RBAK: variants seen among roughly 807,000 people sequenced by gnomAD.
The protein encoded by RBAK is RB associated KRAB zinc finger, also known as RB-associated KRAB zinc finger protein.
Under a neutral mutation model 65.8 loss-of-function variants are expected in RBAK, and 39 were observed. The ratio of observed to expected loss-of-function variants is 0.59; its 90% confidence interval spans 0.46 to 0.77. The LOEUF is 0.77. RBAK is among the 30% of genes least tolerant of loss of function. The probability of loss-of-function intolerance (pLI) is 0.00; values close to 1 mark genes in which losing one functional copy is unlikely to be tolerated. For missense variants in RBAK, 884 were observed against 855.1 expected, an observed-to-expected ratio of 1.03 and a Z score of -0.42; for synonymous variants, 343 against 289.7, an observed-to-expected ratio of 1.18 and a Z score of -1.87.
At chr7:5,057,455 T>G in intron 3 of RBAK, 34 bp downstream of exon 3, 9 of 1,614,146 alleles carry the variant, frequency 5.6e-6, no homozygotes, top group Non-Finnish European at 7.6e-6. Flanking sequence ...TGCTCTCAGT[T>G]GAATGGGGTT....
chr7:5,047,984 T>C, intron 1 of RBAK, 49 bp from the exon 2 acceptor site: 2 of 994,142 alleles, frequency 2.0e-6, no homozygotes, highest in Non-Finnish European at 3.0e-6. Context: ...TTCCTGCCTT[T>C]GCAGGCCAGA....
chr7:5,064,274 AG>A lies in RBAK; in HGVS notation c.819del (p.Lys273AsnfsTer40). 1 of 1,614,196 alleles carries A rather than the reference AG, an allele frequency of 6.2e-7. No homozygotes were observed. Among genetic ancestry groups the A allele is most frequent in the Non-Finnish European group, 8.5e-7 (1 of 1,180,012 alleles). On this transcript the variant is annotated frameshift_variant, in exon 5 of 5. Transcript: ENST00000396912. LOFTEE classifies it high-confidence loss of function. This position sits in a 1 kb window ranked among gnomAD's most constrained non-coding sequence, Gnocchi z 6.3. ...GAATGTGGAAAATCCTTCTGTAAAA[AG>A]TCAAAATTCATCATCCACCAGAGGG... ...CSECGKSFCK[K>X]SKFIIHQRAH...
chr7:5,063,729 C>G lies in RBAK; in HGVS notation c.273C>G (p.Ile91Met). The change falls in exon 5 of 5, where the codon ATC becomes ATG. Residue 91 changes from isoleucine (I) to methionine (M), a missense_variant. Transcript: ENST00000396912. ...GAGTTGATGACCTGATAGAGAGAAT[C>G]CAAGAAAACGAAGACAAACATTCAA... ...AWRVDDLIER[I>M]QENEDKHSRQ... 1.2e-6 allele frequency: 2 copies of G among 1,611,410 alleles called. No individual in the cohort carries two copies. The highest frequency in any genetic ancestry group is 1.7e-6 in the Non-Finnish European group (2 of 1,179,142).
chr7:5,062,004 G>A (rs978789623), intron 4 of RBAK, among the ~76,000 whole-genome samples: 3 of 152,192 alleles, frequency 2.0e-5, no homozygotes, highest in South Asian at 4.2e-4. Flanking sequence ...CTCTGTAAAC[G>A]TGAGGAAATC....
chr7:5,062,381 C>A lies in RBAK; in HGVS notation c.239-1314C>A, dbSNP rs889993736. Among the ~76,000 whole-genome samples the A allele has an allele frequency of 5.9e-5, 9 of 152,270 alleles. No homozygotes were observed. The East Asian group carries it at 1.4e-3, about 23-fold the overall frequency. On this transcript the variant is annotated intron_variant, in intron 4 of 4. Coordinates refer to ENST00000396912, the MANE Select transcript of RBAK (RefSeq NM_021163.4). ...TGTCGGTAGGTTCTGTGATGCTCCA[C>A]AAGCTGCAAAACCAGCAAGTTTTTA...
chr7:5,052,960 A>G (rs1377012596), intron 2 of RBAK, among the ~76,000 whole-genome samples: 2 of 152,094 alleles, frequency 1.3e-5, no homozygotes, highest in Non-Finnish European at 2.9e-5. Flanking sequence ...AGGTTTCACC[A>G]TGTTGGCCAG....
At chr7:5,050,558 C>T (rs1173847039) in intron 2 of RBAK, among the ~76,000 whole-genome samples, 1 of 152,110 alleles carries the variant, frequency 6.6e-6, no homozygotes, top group African/African-American at 2.4e-5. Flanking sequence ...ACCATTTCTT[C>T]TTTATTTACT....
Position 5,066,889 on chromosome 7 carries a change from C to T in RBAK, c.*1288C>T, listed in dbSNP as rs1779230752. On this transcript the variant is annotated 3_prime_UTR_variant, in exon 5 of 5. Transcript: ENST00000396912. ...TTCTGGGAAAAGGTAAAATGGTAAT[C>T]AAATAGATTGTGTTCCAGGAATGCA... The T allele has an allele frequency of 6.6e-6, 1 of 152,116 alleles. No homozygotes were observed. The highest frequency in any genetic ancestry group is 1.5e-5 in the Non-Finnish European group (1 of 67,996). The allele number at this position is 152,116 out of a possible 1,614,324, so 9.4% of individuals were successfully genotyped here.
Position 5,064,922 on chromosome 7 carries a change from A to G in RBAK, c.1466A>G (p.Glu489Gly). ...HTEEKSHECS[E>G]CGKFSQLYLT... ...GAAGAGAAATCCCATGAATGTAGTG[A>G]ATGTGGAAAGTTCTCTCAGTTGTAT... The change falls in exon 5 of 5, where the codon GAA becomes GGA. Residue 489 changes from glutamate to glycine, a missense_variant. Physicochemically the swap from Glu to Gly is moderately conservative, Grantham distance 98 (BLOSUM62 -2). Transcript: ENST00000396912. This position sits in a 1 kb window ranked among gnomAD's most constrained non-coding sequence, Gnocchi z 6.3. 1.2e-6 allele frequency: 2 copies of G among 1,614,060 alleles called. No homozygotes were observed. The highest frequency in any genetic ancestry group is 1.7e-6 in the Non-Finnish European group (2 of 1,179,972).
chr7:5,066,125 A>G lies in RBAK; in HGVS notation c.*524A>G, dbSNP rs1779212863. On this transcript the variant is annotated 3_prime_UTR_variant, in exon 5 of 5. Coordinates refer to ENST00000396912, the MANE Select transcript of RBAK (RefSeq NM_021163.4). Reference sequence around the variant, plus strand: ...ATGGCCGTTTTTTATCATGTCTTAAAAATGCAATCTAATGGTAATTCTATG... The same window carrying G: ...ATGGCCGTTTTTTATCATGTCTTAAGAATGCAATCTAATGGTAATTCTATG... 6.6e-6 allele frequency: 1 copy of G among 152,646 alleles called. No homozygotes were observed. Among genetic ancestry groups the G allele is most frequent in the South Asian group, 2.1e-4 (1 of 4,838 alleles). The allele number at this position is 152,646 out of a possible 1,614,324, so 9.5% of individuals were successfully genotyped here. A position where few individuals can be genotyped will look rare whatever the true frequency, so the allele number is the denominator to read the frequency against.
intron 4 of RBAK, among the ~76,000 whole-genome samples, chr7:5,059,504 T>TA (rs899839669): frequency 1.9e-4 from 29 of 148,842 alleles, no homozygotes; most frequent in East Asian, 3.9e-4. Flanking sequence ...ATATTTTTAT[T>TA]AAAAAAAAAA....
Position 5,063,772 on chromosome 7 carries a change from A to C in RBAK, c.316A>C (p.Asn106His), listed in dbSNP as rs778494395. The C allele has an allele frequency of 6.2e-7, 1 of 1,613,946 alleles. No homozygotes were observed. Among genetic ancestry groups the C allele is most frequent in the Non-Finnish European group, 8.5e-7 (1 of 1,179,960 alleles). The stretch of plus-strand genomic sequence containing the variant: ...ACATTCAAGGCAAGCTGCTTGTATC[A>C]ATAGCAAAACCCTGACTGAAGAGAA... ...DKHSRQAACI[N>H]SKTLTEEKEN... Residue 106 changes from asparagine (N) to histidine (H), a missense_variant, in exon 5 of 5, where the codon AAT becomes CAT. Transcript: ENST00000396912.
Position 5,048,103 on chromosome 7 carries a change from T to C in RBAK, c.15+12T>C, listed in dbSNP as rs778882789. 6.3e-7 allele frequency: 1 copy of C among 1,593,696 alleles called. No homozygotes were observed. The highest frequency in any genetic ancestry group is 8.5e-7 in the Non-Finnish European group (1 of 1,169,854). On this transcript the variant is annotated intron_variant, in intron 2 of 4. Coordinates refer to ENST00000396912, the MANE Select transcript of RBAK (RefSeq NM_021163.4). This position sits in a 1 kb window ranked among gnomAD's most constrained non-coding sequence, Gnocchi z 4.4. ...TGAACACATTGCAGGTGAGTTTTCA[T>C]GCTTGTGTATATGTTCCTCAACTTT...
rs142896714 is a variant in RBAK, at chr7:5,067,148, C to A, written c.*1547C>A. On this transcript the variant is annotated 3_prime_UTR_variant, in exon 5 of 5. Transcript: ENST00000396912. ...GATTATAAAAATAAGACAAGGATATCTGCTGTCAATGATTTTATTCGGCAT... is the reference window on the plus strand; with the variant it reads ...GATTATAAAAATAAGACAAGGATATATGCTGTCAATGATTTTATTCGGCAT... The A allele has an allele frequency of 1.5e-4, 23 of 152,248 alleles. No homozygotes were observed. Among genetic ancestry groups the A allele is most frequent in the African/African-American group, 5.5e-4 (23 of 41,570 alleles). The allele number at this position is 152,248 out of a possible 1,614,324, so 9.4% of individuals were successfully genotyped here.
At chr7:5,055,375 A>T (rs909756340) in intron 2 of RBAK, among the ~76,000 whole-genome samples, 1 of 152,062 alleles carries the variant, frequency 6.6e-6, no homozygotes, top group African/African-American at 2.4e-5. Flanking sequence ...ATTGCATATT[A>T]GGGTGCAATA....
intron 4 of RBAK, 151 bp downstream of exon 4, chr7:5,057,930 T>C: frequency 1.3e-6 from 1 of 788,546 alleles, no homozygotes; most frequent in Non-Finnish European, 2.0e-6. Flanking sequence ...TGAACTCTTT[T>C]GTTGATTTTA....
intron 3 of RBAK, 88 bp from the exon 4 acceptor site, chr7:5,057,596 T>C (rs1327573287): frequency 1.3e-5 from 21 of 1,595,216 alleles, no homozygotes; most frequent in Middle Eastern, 1.7e-4. Context: ...ACTTCTGTTA[T>C]GCAGCTTATG....
rs758285127 is a variant in RBAK at position 5,057,390 on chromosome 7, G to A, written c.111G>A (p.Met37Ile). 6.2e-7 allele frequency: 1 copy of A among 1,614,130 alleles called. No individual in the cohort carries two copies. The highest frequency in any genetic ancestry group is 1.7e-5 in the Admixed American group (1 of 60,012). Reference sequence around the variant, plus strand: ...AGAAGATAACTTACAGGGATGTGATGTTGGAGAACTATAGCCATCTAGTTT... The same window carrying A: ...AGAAGATAACTTACAGGGATGTGATATTGGAGAACTATAGCCATCTAGTTT... ...PDEKITYRDV[M>I]LENYSHLVSV... Residue 37 changes from methionine to isoleucine, a missense_variant, in exon 3 of 5, where the codon ATG becomes ATA. Met to Ile is a conservative substitution (Grantham distance 10). Coordinates refer to ENST00000396912, the MANE Select transcript of RBAK (RefSeq NM_021163.4).
Position 5,063,970 on chromosome 7 carries a change from TATC to T in RBAK, c.517_519del (p.His173del). The T allele has an allele frequency of 6.2e-7, 1 of 1,613,962 alleles. No homozygotes were observed. The highest frequency in any genetic ancestry group is 8.5e-7 in the Non-Finnish European group (1 of 1,179,936). On this transcript the variant is annotated inframe_deletion, in exon 5 of 5. Coordinates refer to ENST00000396912, the MANE Select transcript of RBAK (RefSeq NM_021163.4). ...TGAGTGTAATGAATGTGGGAAAACA[TATC>T]ATGGAGAGAAAATGTGTGAATTTAA...
Sources: allele counts gnomAD v4.1 joint callset (sites outside exome capture counted in the v4.1 genomes callset), GRCh38; gene constraint gnomAD v4.1.1; non-coding constraint Gnocchi (gnomAD v3.1); transcripts MANE v1.5; gene names NCBI Gene and HGNC (gene_info 2026-07-23, HGNC 2026-07-21).